Variants in RARB observed in about 807,000 individuals in gnomAD.
RARB encodes HBV-activated protein.
Under a neutral mutation model 51.9 loss-of-function variants are expected in RARB, and 17 were observed. The ratio of observed to expected loss-of-function variants is 0.33; its 90% confidence interval spans 0.22 to 0.49. The LOEUF (loss-of-function observed/expected upper bound fraction) is 0.49. Ranked by LOEUF, RARB falls within the 20% of genes least tolerant of loss-of-function variation. RARB has a pLI of 0.99. For synonymous variants in RARB, 215 were observed against 195.4 expected, an observed-to-expected ratio of 1.10 and a Z score of -0.84; for missense variants, 369 against 550.8, an observed-to-expected ratio of 0.67 and a Z score of 3.30.
chr3:24,934,940 C>T (rs1464977560), intron 2 of RARB, among the ~76,000 whole-genome samples: 3 of 152,064 alleles, frequency 2.0e-5, no homozygotes, highest in Admixed American at 1.3e-4. Context: ...GGGGATGTGA[C>T]AGAAATAGCT....
intron 2 of RARB, among the ~76,000 whole-genome samples, chr3:24,981,405 G>A (rs1030122573): frequency 6.6e-6 from 1 of 152,188 alleles, no homozygotes; most frequent in African/African-American, 2.4e-5. Flanking sequence ...AGTAGGCCTT[G>A]TTGAGCTGCA....
intron 2 of RARB, among the ~76,000 whole-genome samples, chr3:25,474,853 G>C (rs1474237997): frequency 3.9e-5 from 6 of 152,104 alleles, no homozygotes; most frequent in African/African-American, 1.4e-4. Flanking sequence ...GAATTAGGTG[G>C]AAAGTATGCC....
chr3:25,449,912 T>A (rs1050367740), intron 1 of RARB, among the ~76,000 whole-genome samples: 2 of 151,864 alleles, frequency 1.3e-5, no homozygotes, highest in Non-Finnish European at 2.9e-5. Flanking sequence ...CCACCACAAA[T>A]TTTTTTTGTG....
chr3:25,156,635 C>T (rs566758419), intron 4 of RARB, among the ~76,000 whole-genome samples: 7 of 148,990 alleles, frequency 4.7e-5, no homozygotes, highest in Non-Finnish European at 1.0e-4. Context: ...AAAATGTGCA[C>T]AGAGTCTAAA....
At chr3:25,416,032 C>G (rs1184397755) in intron 5 of RARB, among the ~76,000 whole-genome samples, 1 of 152,124 alleles carries the variant, frequency 6.6e-6, no homozygotes, top group African/African-American at 2.4e-5. Flanking sequence ...TTAGGGTCAT[C>G]ATTGTCTTAA....
At chr3:24,832,628 AAT>A (rs10526610) in intron 1 of RARB, among the ~76,000 whole-genome samples, 1,729 of 88,416 alleles carry the variant, frequency 0.02, 124 homozygotes, top group African/African-American at 0.074. Context: ...ATTGAGTCCC[AAT>A]ATATATATAT....
chr3:25,247,278 G>T (rs1432772091), intron 5 of RARB, among the ~76,000 whole-genome samples: 1 of 152,200 alleles, frequency 6.6e-6, no homozygotes, highest in Non-Finnish European at 1.5e-5. Context: ...GGGATCCACT[G>T]AGCATGACCA....
intron 1 of RARB, among the ~76,000 whole-genome samples, chr3:25,431,872 GTA>G (rs1299699567): frequency 3.9e-5 from 6 of 152,150 alleles, no homozygotes; most frequent in Non-Finnish European, 8.8e-5. Context: ...CAAATTTTAA[GTA>G]TTAAACAGTA....
At chr3:25,363,673 C>T (rs1222030583) in intron 5 of RARB, among the ~76,000 whole-genome samples, 1 of 152,140 alleles carries the variant, frequency 6.6e-6, no homozygotes, top group Non-Finnish European at 1.5e-5. Flanking sequence ...CCTACTAGAC[C>T]GTTTCCTTGC....
intron 3 of RARB, among the ~76,000 whole-genome samples, chr3:25,086,271 A>C (rs1406171997): frequency 6.6e-6 from 1 of 152,186 alleles, no homozygotes; most frequent in Non-Finnish European, 1.5e-5. Context: ...TCCATAGGAA[A>C]GAACAATTTT....
intron 3 of RARB, among the ~76,000 whole-genome samples, chr3:25,121,771 C>T (rs1336082044): frequency 6.6e-6 from 1 of 152,130 alleles, no homozygotes; most frequent in Non-Finnish European, 1.5e-5. Flanking sequence ...AATTTCTACA[C>T]ATTTATTAAG....
intron 2 of RARB, among the ~76,000 whole-genome samples, chr3:24,874,978 G>T (rs1264575026): frequency 6.6e-6 from 1 of 151,938 alleles, no homozygotes; most frequent in Non-Finnish European, 1.5e-5. Context: ...AAAATCTAAT[G>T]CTTATTAATA....
intron 2 of RARB, among the ~76,000 whole-genome samples, chr3:24,913,556 ACTAT>A (rs1695046416): frequency 6.6e-6 from 1 of 152,132 alleles, no homozygotes; most frequent in African/African-American, 2.4e-5. Flanking sequence ...AGTTGAAATA[ACTAT>A]CAGGAAATAT....
At chr3:24,898,118 A>G (rs1284392556) in intron 2 of RARB, among the ~76,000 whole-genome samples, 5 of 152,140 alleles carry the variant, frequency 3.3e-5, no homozygotes, top group Admixed American at 2.6e-4. Flanking sequence ...TTAGGAGTCA[A>G]GCCCGGAGTT....
intron 2 of RARB, among the ~76,000 whole-genome samples, chr3:24,867,458 A>T (rs982155678): frequency 1.3e-5 from 2 of 152,150 alleles, no homozygotes; most frequent in African/African-American, 4.8e-5. Context: ...GAAACTTCTT[A>T]GTGGAAAACA....
chr3:24,844,642 C>G (rs1039489664), intron 1 of RARB, among the ~76,000 whole-genome samples: 42 of 152,186 alleles, frequency 2.8e-4, no homozygotes, highest in Non-Finnish European at 5.9e-5. Context: ...AATTGTACTG[C>G]ATGACCTTGG....
intron 5 of RARB, among the ~76,000 whole-genome samples, chr3:25,278,113 C>T (rs1553600748): frequency 6.6e-6 from 1 of 152,150 alleles, no homozygotes; most frequent in Non-Finnish European, 1.5e-5. Flanking sequence ...GCATTTGCAA[C>T]TTTTCCACTT....
chr3:24,853,912 A>G (rs1164571386), intron 1 of RARB, among the ~76,000 whole-genome samples: 1 of 152,232 alleles, frequency 6.6e-6, no homozygotes, highest in Non-Finnish European at 1.5e-5. Flanking sequence ...AGATGTGGTT[A>G]TGGAAGTGCA....
intron 2 of RARB, among the ~76,000 whole-genome samples, chr3:24,948,075 G>A (rs1272595239): frequency 6.6e-6 from 1 of 151,990 alleles, no homozygotes; most frequent in Non-Finnish European, 1.5e-5. Context: ...AGCCTTTTCT[G>A]GCCAGGATTC....
Sources: gnomAD v4.1 joint callset for allele counts (sites outside exome capture counted in the v4.1 genomes callset) on GRCh38, gnomAD v4.1.1 for gene constraint, MANE v1.5 for transcripts, NCBI Gene and HGNC (gene_info 2026-07-23, HGNC 2026-07-21) for gene names.